Variants in C11orf71 observed in about 807,000 individuals in gnomAD.
The protein encoded by C11orf71 is chromosome 11 open reading frame 71.
For synonymous variants in C11orf71, 72 were observed against 73.4 expected, an observed-to-expected ratio of 0.98 and a Z score of 0.09; for missense variants, 179 against 167.6, an observed-to-expected ratio of 1.07 and a Z score of -0.38.
chr11:114,396,874 T>G (rs185311058), downstream of C11orf71, among the ~76,000 whole-genome samples: 894 of 152,336 alleles, frequency 5.9e-3, 4 homozygotes, highest in South Asian at 0.017. Flanking sequence ...CACCCTCCTT[T>G]CTTCTTCTTT....
At chr11:114,394,544 G>A (rs888978106), downstream of C11orf71, among the ~76,000 whole-genome samples, 13 of 151,814 alleles carry the variant, frequency 8.6e-5, no homozygotes, top group African/African-American at 3.1e-4. Context: ...ATCCACCCAC[G>A]TTGGCCTCCC....
chr11:114,394,599 G>A (rs1321814932), downstream of C11orf71, among the ~76,000 whole-genome samples: 1 of 151,640 alleles, frequency 6.6e-6, no homozygotes, highest in Non-Finnish European at 1.5e-5. Flanking sequence ...CCAGCGAGAC[G>A]GGATTTCACC....
At chr11:114,394,267 C>G (rs142199470), downstream of C11orf71, among the ~76,000 whole-genome samples, 24 of 63,220 alleles carry the variant, frequency 3.8e-4, 1 homozygote, top group South Asian at 3.4e-3. Context: ...CTTTTCTTTT[C>G]TTTTCTTTTC....
downstream of C11orf71, among the ~76,000 whole-genome samples, chr11:114,394,042 C>A (rs1356234084): frequency 6.6e-6 from 1 of 151,818 alleles, no homozygotes; most frequent in East Asian, 1.9e-4. Context: ...TGCAGTGGTG[C>A]GATCTAGGCT....
downstream of C11orf71, among the ~76,000 whole-genome samples, chr11:114,394,289 CTTATTTTCTTTTCTT>C (rs1946112132): frequency 6.4e-5 from 4 of 62,630 alleles, no homozygotes; most frequent in South Asian, 6.8e-4. Context: ...TTTCTTTTCT[CTTATTTTCTTTTCTT>C]TTCTTTTTGA....
At chr11:114,394,272 CTTTTCTTTTCTTTTCTCTTA>C (rs1219761272), downstream of C11orf71, among the ~76,000 whole-genome samples, 22 of 64,548 alleles carry the variant, frequency 3.4e-4, 1 homozygote, top group African/African-American at 1.4e-3. Context: ...CTTTTCTTTT[CTTTTCTTTTCTTTTCTCTTA>C]TTTTCTTTTC....
At chr11:114,394,267 C>CTTTTCTTT (rs1369130583), downstream of C11orf71, among the ~76,000 whole-genome samples, 3 of 63,218 alleles carry the variant, frequency 4.7e-5, no homozygotes, top group Non-Finnish European at 8.1e-5. Flanking sequence ...CTTTTCTTTT[C>CTTTTCTTT]TTTTCTTTTC....
rs1946159932 is a variant in C11orf71 at position 114,399,481 on chromosome 11, G to T, written c.*479C>A. The T allele has an allele frequency of 6.5e-6, 1 of 153,598 alleles. No homozygotes were observed. The highest frequency in any genetic ancestry group is 6.5e-5 in the Admixed American group (1 of 15,396). The allele number at this position is 153,598 out of a possible 1,614,324, so 9.5% of individuals were successfully genotyped here. On this transcript the variant is annotated 3_prime_UTR_variant, in exon 1 of 1. Coordinates refer to ENST00000623205, the MANE Select transcript of C11orf71 (RefSeq NM_001271562.2). The stretch of plus-strand genomic sequence containing the variant: ...TAATTTGAAAGAACTGTAAGGTTTA[G>T]GTTTTGTTCTTATTTTTAGTGCGAC...
chr11:114,395,139 A>G (rs1230307096), downstream of C11orf71, among the ~76,000 whole-genome samples: 1 of 152,130 alleles, frequency 6.6e-6, no homozygotes. Context: ...GAGCTTCTAC[A>G]GAGGAGAGAT....
downstream of C11orf71, among the ~76,000 whole-genome samples, chr11:114,396,462 T>TCAGAGATCACATAAAGCA (rs1237151218): frequency 2.0e-5 from 3 of 152,218 alleles, no homozygotes; most frequent in Non-Finnish European, 4.4e-5. Flanking sequence ...AGTTATGTGA[T>TCAGAGATCACATAAAGCA]CAGAGATGTG....
In C11orf71 at chr11:114,391,662, G is replaced by A. The variant is rs376216632; in HGVS notation, c.347C>T (p.Thr116Ile). 9 of 1,416,300 alleles carry A rather than the reference G, an allele frequency of 6.4e-6. No homozygotes were observed. The East Asian group carries it at 1.3e-4, about 20-fold the overall frequency. The allele number at this position is 1,416,300 out of a possible 1,614,324, so 87.7% of individuals were successfully genotyped here. Residue 116 changes from threonine (T) to isoleucine (I), a missense_variant, in exon 2 of 2, where the codon ACT (threonine) becomes ATT (isoleucine). Thr to Ile is a moderately conservative substitution (Grantham distance 89). Transcript: ENST00000325636. ...CTCAGATAGCTTCAGGGTCCAGGTA[G>A]TAACTAAAATACACAAAATGGATGA...
downstream of C11orf71, among the ~76,000 whole-genome samples, chr11:114,394,217 T>TTTCCTTTCCTTTC (rs1591192607): frequency 1.7e-5 from 1 of 57,726 alleles, no homozygotes; most frequent in Admixed American, 2.1e-4. Flanking sequence ...TCTTTTCTTT[T>TTTCCTTTCCTTTC]CTTTTCTTTT....
chr11:114,394,258 T>TTTCTTTTC (rs1565256659), downstream of C11orf71, among the ~76,000 whole-genome samples: 1 of 68,616 alleles, frequency 1.5e-5, no homozygotes, highest in Non-Finnish European at 2.4e-5. Context: ...TTTTCTTTTC[T>TTTCTTTTC]TTTCTTTTCT....
Position 114,400,154 on chromosome 11 carries a change from T to C in C11orf71, c.178A>G (p.Ser60Gly). 6.2e-7 allele frequency: 1 copy of C among 1,613,856 alleles called. No individual in the cohort carries two copies. Among genetic ancestry groups the C allele is most frequent in the South Asian group, 1.1e-5 (1 of 91,072 alleles). Residue 60 changes from serine to glycine, a missense_variant, in exon 1 of 1, where the codon AGC becomes GGC. By Grantham distance (56) the Ser-to-Gly change is moderately conservative (BLOSUM62 0). Coordinates refer to ENST00000623205, the MANE Select transcript of C11orf71 (RefSeq NM_001271562.2). ...HLGPRQAVRP[S>G]VRAESRRVDG... ...ACTCGACGGCTCTCGGCCCGAACGCTTGGTCGCACCGCCTGCCGAGGTCCT... is the reference window on the plus strand; with the variant it reads ...ACTCGACGGCTCTCGGCCCGAACGCCTGGTCGCACCGCCTGCCGAGGTCCT...
intron 1 of C11orf71, chr11:114,391,686 G>T: frequency 8.4e-7 from 1 of 1,189,840 alleles, no homozygotes; most frequent in South Asian, 1.5e-5. Context: ...CAAAATGGAT[G>T]AGTATAAGAT....
At chr11:114,394,284 T>TTCTCTTCTC (rs1565256777), downstream of C11orf71, among the ~76,000 whole-genome samples, 31 of 84,464 alleles carry the variant, frequency 3.7e-4, 1 homozygote, top group African/African-American at 1.9e-3. Flanking sequence ...TTTCTTTTCT[T>TTCTCTTCTC]TTCTCTTATT....
In C11orf71 at chr11:114,400,204, A is replaced by T; in HGVS notation, c.128T>A (p.Val43Asp). Residue 43 changes from valine (V) to aspartate (D), a missense_variant, in exon 1 of 1, where the codon GTT (valine) becomes GAT (aspartate). Transcript: ENST00000623205. Reference sequence around the variant, plus strand: ...TAGATGAATCGCTTCAGGCCTGGAAACGAGGAAGCCGTCTCCGGAGACCAT... The same window carrying T: ...TAGATGAATCGCTTCAGGCCTGGAATCGAGGAAGCCGTCTCCGGAGACCAT... ...LAMVSGDGFL[V>D]SRPEAIHLGP... The T allele has an allele frequency of 6.2e-7, 1 of 1,613,354 alleles. No individual in the cohort carries two copies. The highest frequency in any genetic ancestry group is 8.5e-7 in the Non-Finnish European group (1 of 1,179,666).
intron 1 of C11orf71, among the ~76,000 whole-genome samples, chr11:114,392,529 CAAAA>C (rs386374967): frequency 1.2e-4 from 6 of 51,696 alleles, no homozygotes; most frequent in African/African-American, 3.1e-4. Flanking sequence ...TAGAATGAGA[CAAAA>C]AAAAAAAAAA....
At chr11:114,391,911 T>G in intron 1 of C11orf71, among the ~76,000 whole-genome samples, 1 of 116,654 alleles carries the variant, frequency 8.6e-6, no homozygotes, top group East Asian at 2.2e-4. Flanking sequence ...GTTAAAGCTG[T>G]TTTTTTTTTT....
Sources: allele counts gnomAD v4.1 joint callset (sites outside exome capture counted in the v4.1 genomes callset), GRCh38; gene constraint gnomAD v4.1.1; transcripts MANE v1.5; gene names NCBI Gene and HGNC (gene_info 2026-07-23, HGNC 2026-07-21).